Variants in PRAG1 observed in about 807,000 individuals in gnomAD.
PRAG1 encodes the protein inactive tyrosine-protein kinase PRAG1.
PRAG1 carries 110 observed loss-of-function variants against 95.6 expected under a neutral mutation model. That is an observed-to-expected ratio of 1.15 (90% CI 0.99 to 1.35). The LOEUF (loss-of-function observed/expected upper bound fraction) is 1.35. Ranked by LOEUF, PRAG1 falls within the 40% of genes most tolerant of loss-of-function variation. PRAG1 has a pLI of 0.00. For missense variants in PRAG1, 2,554 were observed against 1,864.7 expected, an observed-to-expected ratio of 1.37 and a Z score of -6.81; for synonymous variants, 1,052 against 819.4, an observed-to-expected ratio of 1.28 and a Z score of -4.85.
At chr8:8,384,286 C>A (rs1386204126) in intron 1 of PRAG1, among the ~76,000 whole-genome samples, 1 of 151,994 alleles carries the variant, frequency 6.6e-6, no homozygotes, top group Non-Finnish European at 1.5e-5. Flanking sequence ...TTCTAAGATT[C>A]CCCAACCTTT....
intron 3 of PRAG1, chr8:8,374,749 C>A: frequency 3.1e-6 from 3 of 977,340 alleles, no homozygotes; most frequent in Non-Finnish European, 3.6e-6. Flanking sequence ...CCATGGTGGG[C>A]GGCCAGTGCA....
rs1798380514 is a variant in PRAG1 at position 8,318,941 on chromosome 8, T to A, written c.3434A>T (p.Asp1145Val). The change falls in exon 6 of 6, where the codon GAC becomes GTC. Residue 1145 changes from aspartate (D) to valine (V), a missense_variant. Physicochemically the swap from Asp to Val is radical, Grantham distance 152. Transcript: ENST00000615670. The surrounding 1 kb of genome is among the most constrained non-coding windows in gnomAD (Gnocchi z 4.2). ...HLKEHGIIHR[D>V]LCLENLLLVH... is the part of the protein sequence containing the mutation. Reference sequence around the variant, plus strand: ...CAGCAGCAGGTTCTCCAGGCACAGGTCCCGGTGGATGATCCCGTGCTCCTT... The same window carrying A: ...CAGCAGCAGGTTCTCCAGGCACAGGACCCGGTGGATGATCCCGTGCTCCTT... 1 of 1,612,122 alleles carries A rather than the reference T, an allele frequency of 6.2e-7. No individual in the cohort carries two copies. Among genetic ancestry groups the A allele is most frequent in the Non-Finnish European group, 8.5e-7 (1 of 1,179,444 alleles).
intron 4 of PRAG1, among the ~76,000 whole-genome samples, chr8:8,332,681 G>A (rs1280811122): frequency 1.6e-5 from 2 of 128,232 alleles, no homozygotes; most frequent in Non-Finnish European, 3.1e-5. Flanking sequence ...TAGTTTCTCA[G>A]GTGTTAATAC....
chr8:8,367,599 A>C (rs960442974), intron 3 of PRAG1, among the ~76,000 whole-genome samples: 3 of 149,836 alleles, frequency 2.0e-5, no homozygotes, highest in Non-Finnish European at 4.4e-5. Context: ...ATTACTTACT[A>C]CTATGTCAAT....
chr8:8,348,044 G>C (rs958230718), intron 3 of PRAG1, among the ~76,000 whole-genome samples: 4 of 152,156 alleles, frequency 2.6e-5, no homozygotes, highest in African/African-American at 9.7e-5. Flanking sequence ...AGCCTCCCAT[G>C]TGACTGGGAC....
chr8:8,370,793 G>A (rs1295803577), intron 3 of PRAG1, among the ~76,000 whole-genome samples: 1 of 152,122 alleles, frequency 6.6e-6, no homozygotes, highest in Non-Finnish European at 1.5e-5. Flanking sequence ...GGACAGAAAC[G>A]AACTCCACTC....
Position 8,376,406 on chromosome 8 carries a change from G to C in PRAG1, c.2003C>G (p.Ser668Cys). Residue 668 changes from serine to cysteine, a missense_variant, in exon 3 of 6, where the codon TCC (serine) becomes TGC (cysteine). Ser to Cys is a moderately radical substitution (Grantham distance 112). Coordinates refer to ENST00000615670, the MANE Select transcript of PRAG1 (RefSeq NM_001080826.3). The part of the protein sequence containing the change: ...TKNGPTDHSN[S>C]TTWHRLHPTD... ...GGGGTGGAGACGGTGCCAGGTCGTG[G>C]AGTTTGAATGGTCCGTGGGGCCATT... is the stretch of plus-strand genomic sequence containing the variant. 6.2e-7 allele frequency: 1 copy of C among 1,614,212 alleles called. No homozygotes were observed. The highest frequency in any genetic ancestry group is 8.5e-7 in the Non-Finnish European group (1 of 1,180,036).
intron 4 of PRAG1, among the ~76,000 whole-genome samples, chr8:8,335,376 G>A (rs1798953456): frequency 6.6e-6 from 1 of 152,044 alleles, no homozygotes; most frequent in African/African-American, 2.4e-5. Context: ...CATTTGAAAG[G>A]CCCCAAGATA....
chr8:8,377,295 G>T lies in PRAG1; in HGVS notation c.1114C>A (p.Pro372Thr), dbSNP rs757130328. ...ESDYCSLMKE[P>T]APEKQQDPGC... The stretch of plus-strand genomic sequence containing the variant: ...GGGTCCTGCTGCTTCTCTGGGGCAG[G>T]TTCCTTCATGAGGGAGCAGTAATCA... Residue 372 changes from proline (P) to threonine (T), a missense_variant, in exon 3 of 6, where the codon CCT becomes ACT. Coordinates refer to ENST00000615670, the MANE Select transcript of PRAG1 (RefSeq NM_001080826.3). The T allele has an allele frequency of 3.1e-6, 5 of 1,612,798 alleles. No homozygotes were observed. The South Asian group carries it at 4.4e-5, about 14-fold the overall frequency.
intron 3 of PRAG1, among the ~76,000 whole-genome samples, chr8:8,375,362 C>A (rs1422925835): frequency 6.6e-6 from 1 of 152,148 alleles, no homozygotes; most frequent in Non-Finnish European, 1.5e-5. Flanking sequence ...CGCCACCACG[C>A]CTGGCTAATT....
rs116262817 is a variant in PRAG1 at position 8,340,984 on chromosome 8, A to G, written c.2163-1349T>C. 3.9e-3 allele frequency among the ~76,000 whole-genome samples: 600 copies of G among 152,350 alleles called. 6 individuals carry two copies. Among genetic ancestry groups the G allele is most frequent in the African/African-American group, 0.014 (580 of 41,576 alleles). ...TCCTTGCCTAATCTCCTGGCAAAATAAAATCAGACAGTTTCATACAATATT... is the reference window on the plus strand; with the variant it reads ...TCCTTGCCTAATCTCCTGGCAAAATGAAATCAGACAGTTTCATACAATATT... On this transcript the variant is annotated intron_variant, in intron 3 of 5. Transcript: ENST00000615670.
At chr8:8,378,465 G>A (rs190483080) in intron 2 of PRAG1, among the ~76,000 whole-genome samples, 6 of 152,314 alleles carry the variant, frequency 3.9e-5, no homozygotes, top group African/African-American at 1.4e-4. Flanking sequence ...ATGGAGCTTG[G>A]GGTTTTGTTT....
At chr8:8,322,443 C>T (rs1010489222) in intron 5 of PRAG1, among the ~76,000 whole-genome samples, 1 of 152,150 alleles carries the variant, frequency 6.6e-6, no homozygotes, top group African/African-American at 2.4e-5. Context: ...CCATTTTAAA[C>T]AGCAAAATCA....
chr8:8,350,215 G>C (rs1419483481), intron 3 of PRAG1, among the ~76,000 whole-genome samples: 3 of 152,224 alleles, frequency 2.0e-5, no homozygotes, highest in African/African-American at 7.2e-5. Context: ...CCTGGTGCAG[G>C]AGTGAGGATG....
At chr8:8,342,256 C>G (rs896325461) in intron 3 of PRAG1, among the ~76,000 whole-genome samples, 3 of 149,628 alleles carry the variant, frequency 2.0e-5, no homozygotes, top group Non-Finnish European at 3.0e-5. Context: ...TGCAGTGGCA[C>G]CATCTTGGCT....
chr8:8,319,001 A>C lies in PRAG1; in HGVS notation c.3374T>G (p.Leu1125Arg). 1 of 1,613,446 alleles carries C rather than the reference A, an allele frequency of 6.2e-7. No homozygotes were observed. The highest frequency in any genetic ancestry group is 8.5e-7 in the Non-Finnish European group (1 of 1,179,802). ...CAGCCCGTTGCAGAGTTGCAGAAGCAGGAAGCACACGCGCCGCTCGTACGC... is the reference window on the plus strand; with the variant it reads ...CAGCCCGTTGCAGAGTTGCAGAAGCCGGAAGCACACGCGCCGCTCGTACGC... ...PEAYERRVCF[L>R]LLQLCNGLEH... The change falls in exon 6 of 6, where the codon CTG (leucine) becomes CGG (arginine). Residue 1125 changes from leucine (L) to arginine (R), a missense_variant. Coordinates refer to ENST00000615670, the MANE Select transcript of PRAG1 (RefSeq NM_001080826.3).
intron 3 of PRAG1, 148 bp from the exon 4 acceptor site, chr8:8,339,783 A>G: frequency 1.4e-6 from 1 of 720,884 alleles, no homozygotes; most frequent in African/African-American, 1.8e-5. Context: ...TTGGGGAGAC[A>G]GTAGAGGTTC....
In PRAG1 at chr8:8,377,198, C is replaced by CG; in HGVS notation, c.1210dup (p.Arg404ProfsTer7). 1 of 1,611,404 alleles carries CG rather than the reference C, an allele frequency of 6.2e-7. No homozygotes were observed. Among genetic ancestry groups the CG allele is most frequent in the Non-Finnish European group, 8.5e-7 (1 of 1,179,688 alleles). On this transcript the variant is annotated frameshift_variant, in exon 3 of 6. Coordinates refer to ENST00000615670, the MANE Select transcript of PRAG1 (RefSeq NM_001080826.3). LOFTEE classifies it high-confidence loss of function. ...GATGGGTTCAGGCTGTGTAGCCTCC[C>CG]GGGGGTGGGCCGGGGGCTGGGGCTC...
At chr8:8,352,781 A>C (rs1225260891) in intron 3 of PRAG1, among the ~76,000 whole-genome samples, 6 of 152,146 alleles carry the variant, frequency 3.9e-5, no homozygotes, top group African/African-American at 1.4e-4. Flanking sequence ...TTATATCTTG[A>C]GTTTTTCTTT....
Sources: gnomAD v4.1 joint callset for allele counts (sites outside exome capture counted in the v4.1 genomes callset) on GRCh38, gnomAD v4.1.1 for gene constraint, Gnocchi (gnomAD v3.1) non-coding constraint, MANE v1.5 for transcripts, NCBI Gene and HGNC (gene_info 2026-07-23, HGNC 2026-07-21) for gene names.